PCSK5: variants seen among roughly 807,000 people sequenced by gnomAD.
PCSK5 encodes the protein prohormone convertase 5.
In PCSK5, 129 loss-of-function variants were observed where a neutral mutation model predicts 233.2. That is an observed-to-expected ratio of 0.55 (90% CI 0.48 to 0.64). PCSK5 has a LOEUF of 0.64. Ranked by LOEUF, PCSK5 falls within the 30% of genes least tolerant of loss-of-function variation. The pLI is 0.00. For synonymous variants in PCSK5, 825 were observed against 879.2 expected (o/e 0.94, Z 1.09); for missense variants, 2,076 against 2,430.1 (o/e 0.85, Z 3.06).
At chr9:76,024,890 T>G (rs981554865) in intron 4 of PCSK5, among the ~76,000 whole-genome samples, 1 of 152,188 alleles carries the variant, frequency 6.6e-6, no homozygotes, top group Admixed American at 6.5e-5. Flanking sequence ...CAAATCCAAC[T>G]TTGGTTTTGG....
At chr9:76,226,235 T>G (rs1033500994) in intron 20 of PCSK5, among the ~76,000 whole-genome samples, 1 of 152,196 alleles carries the variant, frequency 6.6e-6, no homozygotes, top group Non-Finnish European at 1.5e-5. Flanking sequence ...CATGAAAGGC[T>G]TTTTCTGCTA....
At chr9:75,957,510 A>C (rs566175926) in intron 2 of PCSK5, among the ~76,000 whole-genome samples, 1 of 152,316 alleles carries the variant, frequency 6.6e-6, no homozygotes, top group Admixed American at 6.5e-5. Context: ...CTAAGAAAAA[A>C]AAAATCTTCC....
At chr9:76,246,299 G>A (rs1326227071) in intron 24 of PCSK5, among the ~76,000 whole-genome samples, 7 of 128,402 alleles carry the variant, frequency 5.5e-5, no homozygotes, top group East Asian at 2.6e-4. Context: ...CTGAGATTGC[G>A]CCACTGCACT....
At position 76,039,616 on chromosome 9, in the gene PCSK5, G is replaced by T. The variant is rs369140511; in HGVS notation, c.632+12579G>T. Among the ~76,000 whole-genome samples the T allele has an allele frequency of 2.6e-5, 4 of 152,140 alleles. No individual in the cohort carries two copies. In the East Asian group the frequency reaches 5.8e-4, roughly 22 times the overall value. On this transcript the variant is annotated intron_variant, in intron 5 of 37. Coordinates refer to ENST00000674117, the MANE Select transcript of PCSK5 (RefSeq NM_001372043.1). ...ACTAAGCAATAACCTATAAAAGCAT[G>T]CCTATGCTGATCCATGGACAAACAC... is the stretch of plus-strand genomic sequence containing the variant.
rs530323822 is a variant in PCSK5 at position 75,891,778 on chromosome 9, G to T, written c.192+405G>T. 8.0e-4 allele frequency among the ~76,000 whole-genome samples: 121 copies of T among 152,068 alleles called. 2 individuals are homozygous for T. In the South Asian group the frequency reaches 0.014, roughly 17 times the overall value. On this transcript the variant is annotated intron_variant, in intron 1 of 37. Coordinates refer to ENST00000674117, the MANE Select transcript of PCSK5 (RefSeq NM_001372043.1). ...GAAATTAGGTCTTTTGGGGGATAGG[G>T]GGTGAGCGCGCCTCTGATGCCTGCG...
intron 1 of PCSK5, among the ~76,000 whole-genome samples, chr9:75,909,251 G>A (rs990620976): frequency 4.6e-5 from 7 of 151,900 alleles, no homozygotes; most frequent in African/African-American, 7.3e-5. Flanking sequence ...TCTGGAACCC[G>A]GGATGCAGAG....
At chr9:76,253,308 T>C (rs1476639511) in intron 24 of PCSK5, among the ~76,000 whole-genome samples, 2 of 151,932 alleles carry the variant, frequency 1.3e-5, no homozygotes, top group Non-Finnish European at 2.9e-5. Flanking sequence ...AGAATATAAA[T>C]GCAATGTCAA....
At chr9:76,200,288 T>C (rs546377715) in intron 20 of PCSK5, among the ~76,000 whole-genome samples, 1 of 152,226 alleles carries the variant, frequency 6.6e-6, no homozygotes, top group Non-Finnish European at 1.5e-5. Flanking sequence ...TTTCTTTTCA[T>C]CCTTCAAACA....
chr9:76,145,267 T>C (rs1308093652), intron 10 of PCSK5, among the ~76,000 whole-genome samples: 3 of 152,218 alleles, frequency 2.0e-5, no homozygotes, highest in Admixed American at 2.0e-4. Context: ...TCAGGTACTT[T>C]TTTTTACATT....
intron 12 of PCSK5, among the ~76,000 whole-genome samples, chr9:76,163,300 A>G (rs1587704799): frequency 6.6e-6 from 1 of 152,202 alleles, no homozygotes; most frequent in Non-Finnish European, 1.5e-5. Flanking sequence ...GGAGCCCCTC[A>G]GTGGCTCCCT....
At chr9:76,169,174 C>T (rs1341300522) in intron 12 of PCSK5, among the ~76,000 whole-genome samples, 3 of 152,154 alleles carry the variant, frequency 2.0e-5, no homozygotes, top group Non-Finnish European at 4.4e-5. Context: ...AGTTGATGGA[C>T]ACTTGAGTTG....
At chr9:75,998,337 A>G (rs2131420572) in intron 3 of PCSK5, among the ~76,000 whole-genome samples, 1 of 152,172 alleles carries the variant, frequency 6.6e-6, no homozygotes, top group East Asian at 1.9e-4. Flanking sequence ...ACATTTGTGC[A>G]TTTACACAAG....
At chr9:76,159,865 C>T (rs1822775336) in intron 12 of PCSK5, among the ~76,000 whole-genome samples, 2 of 140,762 alleles carry the variant, frequency 1.4e-5, no homozygotes, top group Non-Finnish European at 3.0e-5. Context: ...ACTCTGTCTC[C>T]AGGCTGGAGT....
chr9:75,891,442 G>A lies in PCSK5; in HGVS notation c.192+69G>A, dbSNP rs931607902. On this transcript the variant is annotated intron_variant, in intron 1 of 37. Coordinates refer to ENST00000674117, the MANE Select transcript of PCSK5 (RefSeq NM_001372043.1). ...TGGGGGCTTCTTGTCCCCTCTGCGT[G>A]GAACCCCCTCCCCCTCTTCCAGATG... 1.9e-5 allele frequency: 23 copies of A among 1,235,640 alleles called. No individual in the cohort carries two copies. In the Admixed American group the frequency reaches 4.3e-4, roughly 23 times the overall value. 76.5% of individuals were successfully genotyped at this position (1,235,640 alleles called of 1,614,324 possible). A position where few individuals can be genotyped will look rare whatever the true frequency, so the allele number is the denominator to read the frequency against.
chr9:76,024,813 G>T (rs2131489644), intron 4 of PCSK5, among the ~76,000 whole-genome samples: 1 of 152,252 alleles, frequency 6.6e-6, no homozygotes, highest in South Asian at 2.1e-4. Context: ...AGCACGTTCG[G>T]TAACATGTCA....
chr9:76,080,984 TATAAA>T (rs1321337570), intron 7 of PCSK5, among the ~76,000 whole-genome samples: 18 of 152,172 alleles, frequency 1.2e-4, no homozygotes, highest in Non-Finnish European at 2.4e-4. Flanking sequence ...TTGAGATTAT[TATAAA>T]ATAATGACCT....
chr9:75,928,611 A>ATATATG lies in PCSK5; in HGVS notation c.193-3763_193-3762insGTATAT, dbSNP rs1438253938. 4.0e-4 allele frequency among the ~76,000 whole-genome samples: 42 copies of ATATATG among 105,902 alleles called. 1 individual carries two copies. The highest frequency in any genetic ancestry group is 1.5e-3 in the African/African-American group (34 of 22,210). The allele number at this position is 105,902 out of a possible 152,430, so 69.5% of individuals were successfully genotyped here. A position where few individuals can be genotyped will look rare whatever the true frequency, so the allele number is the denominator to read the frequency against. On this transcript the variant is annotated intron_variant, in intron 1 of 37. Transcript: ENST00000674117. ...CATATAAATACATATATATATATAT[A>ATATATG]TATATATATATATATATATATATAT...
In PCSK5 at chr9:76,122,052, T is replaced by C. The variant is rs1262002072; in HGVS notation, c.1209-12057T>C. On this transcript the variant is annotated intron_variant, in intron 9 of 37. Transcript: ENST00000674117. The stretch of plus-strand genomic sequence containing the variant: ...TTTAGCCGGGATGGTCTCGATCTCC[T>C]GACCTCGTGATCCGCCCGCCTCGGC... Among the ~76,000 whole-genome samples, 2 of 44,818 alleles carry C rather than the reference T, an allele frequency of 4.5e-5. 1 individual carries two copies. The highest frequency in any genetic ancestry group is 1.2e-3 in the East Asian group (2 of 1,688). The allele number at this position is 44,818 out of a possible 152,430, so 29.4% of individuals were successfully genotyped here.
At chr9:76,244,643 A>G (rs941348713) in intron 24 of PCSK5, among the ~76,000 whole-genome samples, 6 of 122,106 alleles carry the variant, frequency 4.9e-5, no homozygotes, top group Non-Finnish European at 7.2e-5. Context: ...TACCTAACAA[A>G]AAAAACCCTC....
Sources: gnomAD v4.1 joint callset for allele counts (sites outside exome capture counted in the v4.1 genomes callset) on GRCh38, gnomAD v4.1.1 for gene constraint, MANE v1.5 for transcripts, NCBI Gene and HGNC (gene_info 2026-07-23, HGNC 2026-07-21) for gene names.